The following NOS2 variants were observed in gnomAD, a reference collection of about 807,000 sequenced individuals.
NOS2 encodes nitric oxide synthase 2.
Under a neutral mutation model 136.0 loss-of-function variants are expected in NOS2, and 96 were observed. That is an observed-to-expected ratio of 0.71 (90% CI 0.60 to 0.84). NOS2 has a LOEUF of 0.84. Among genes scored for constraint, NOS2 ranks in the 40% least tolerant of loss-of-function variants. The pLI is 0.00. For missense variants in NOS2, 1,237 were observed against 1,496.9 expected, an observed-to-expected ratio of 0.83 and a Z score of 2.87; for synonymous variants, 539 against 587.5, an observed-to-expected ratio of 0.92 and a Z score of 1.20.
rs762737716 is a variant in NOS2, at chr17:27,789,649, G to T, written c.150C>A (p.Ser50Arg). 1 of 1,614,108 alleles carries T rather than the reference G, an allele frequency of 6.2e-7. No individual in the cohort carries two copies. The highest frequency in any genetic ancestry group is 8.5e-7 in the Non-Finnish European group (1 of 1,179,938). Residue 50 changes from serine to arginine, a missense_variant, in exon 3 of 27, where the codon AGC becomes AGA. Transcript: ENST00000313735. ...GCTGCGGGGACTCATTCTGCTGCTTGCTGAGGTTGTGATACTGAAGGTCAT... is the reference window on the plus strand; with the variant it reads ...GCTGCGGGGACTCATTCTGCTGCTTTCTGAGGTTGTGATACTGAAGGTCAT... The part of the protein sequence containing the change: ...TQDDLQYHNL[S>R]KQQNESPQPL...
chr17:27,773,884 G>T (rs537672172), intron 12 of NOS2, among the ~76,000 whole-genome samples: 2 of 152,268 alleles, frequency 1.3e-5, no homozygotes, highest in East Asian at 1.9e-4. Context: ...GGCTCAGAAA[G>T]GTGAAAGGAC....
chr17:27,774,353 G>C lies in NOS2; in HGVS notation c.1380C>G (p.Asp460Glu). 2 of 1,584,942 alleles carry C rather than the reference G, an allele frequency of 1.3e-6. No individual in the cohort carries two copies. Among genetic ancestry groups the C allele is most frequent in the Non-Finnish European group, 1.7e-6 (2 of 1,165,674 alleles). The change falls in exon 12 of 27, where the codon GAC (aspartate) becomes GAG (glutamate). Residue 460 changes from aspartate to glutamate, a missense_variant. Asp to Glu is a conservative substitution (Grantham distance 45). Coordinates refer to ENST00000313735, the MANE Select transcript of NOS2 (RefSeq NM_000625.4). Reference protein sequence around the residue: ...EYRSRGGCPADWIWLVPPMSG... With the variant: ...EYRSRGGCPAEWIWLVPPMSG... Reference sequence around the variant, plus strand: ...ACATGGGAGGGACCAGCCAAATCCAGTCTGCCGGGCAGCCCCCACGGGACC... The same window carrying C: ...ACATGGGAGGGACCAGCCAAATCCACTCTGCCGGGCAGCCCCCACGGGACC...
intron 2 of NOS2, among the ~76,000 whole-genome samples, chr17:27,790,814 G>A (rs1909162429): frequency 6.6e-6 from 1 of 152,178 alleles, no homozygotes; most frequent in Non-Finnish European, 1.5e-5. Context: ...GGGATTTCAG[G>A]TTCATTCCGG....
intron 4 of NOS2, among the ~76,000 whole-genome samples, chr17:27,788,211 C>CACACAT (rs1038092865): frequency 2.6e-5 from 4 of 151,800 alleles, no homozygotes; most frequent in African/African-American, 9.7e-5. Context: ...CACACACACA[C>CACACAT]ACACACACAC....
chr17:27,772,329 G>C lies in NOS2; in HGVS notation c.1683C>G (p.Phe561Leu). The change falls in exon 14 of 27, where the codon TTC (phenylalanine) becomes TTG (leucine). Residue 561 changes from phenylalanine to leucine, a missense_variant. Phe to Leu is a conservative substitution (Grantham distance 22). Around this residue, in one of 3 missense-constraint regions of NOS2, gnomAD observed 782 missense variants for 909.9 expected, o/e 0.86. Coordinates refer to ENST00000313735, the MANE Select transcript of NOS2 (RefSeq NM_000625.4). ...GTACCTTGGGGTTGAAGGCACAGCT[G>C]AATAAGGCCCCCAGGTCCCAGGCCA... is the stretch of plus-strand genomic sequence containing the variant. ...EALAWDLGAL[F>L]SCAFNPKVVC... 1 of 1,614,180 alleles carries C rather than the reference G, an allele frequency of 6.2e-7. No homozygotes were observed. Among genetic ancestry groups the C allele is most frequent in the East Asian group, 2.2e-5 (1 of 44,882 alleles).
At chr17:27,763,459 G>C (rs1001994313) in intron 21 of NOS2, among the ~76,000 whole-genome samples, 23 of 152,342 alleles carry the variant, frequency 1.5e-4, no homozygotes, top group African/African-American at 5.1e-4. Flanking sequence ...CAAAATAATG[G>C]CGGTGGAGGT....
chr17:27,760,017 A>G lies in NOS2; in HGVS notation c.3159+13T>C. On this transcript the variant is annotated intron_variant, in intron 25 of 26. Transcript: ENST00000313735. ...TGTGTGTAATGCTTCACCTGCTTTG[A>G]GGCTGCATTTACCTTGGGCTTGCCA... 1 of 1,509,190 alleles carries G rather than the reference A, an allele frequency of 6.6e-7. No homozygotes were observed. The highest frequency in any genetic ancestry group is 8.9e-7 in the Non-Finnish European group (1 of 1,127,660). The allele number at this position is 1,509,190 out of a possible 1,614,324, so 93.5% of individuals were successfully genotyped here.
chr17:27,770,003 G>A (rs1440282484), intron 15 of NOS2, among the ~76,000 whole-genome samples: 1 of 152,210 alleles, frequency 6.6e-6, no homozygotes, highest in Non-Finnish European at 1.5e-5. Flanking sequence ...ATGATTCCAG[G>A]AGGTATGTGA....
chr17:27,759,767 G>A (rs1908053925), intron 25 of NOS2, among the ~76,000 whole-genome samples: 1 of 152,116 alleles, frequency 6.6e-6, no homozygotes, highest in Admixed American at 6.5e-5. Flanking sequence ...TGTCCCAGGG[G>A]GCCTGCTGGG....
Position 27,772,470 on chromosome 17 carries a change from C to T in NOS2, c.1560-18G>A, listed in dbSNP as rs1393097054. On this transcript the variant is annotated intron_variant, in intron 13 of 26. Coordinates refer to ENST00000313735, the MANE Select transcript of NOS2 (RefSeq NM_000625.4). ...GCACAGCTCTGTGGGGACAGACAGACAGGCAGGCGCTGTGTGCTGAGTCAG... is the reference window on the plus strand; with the variant it reads ...GCACAGCTCTGTGGGGACAGACAGATAGGCAGGCGCTGTGTGCTGAGTCAG... 3 of 1,613,266 alleles carry T rather than the reference C, an allele frequency of 1.9e-6. No individual in the cohort carries two copies. The highest frequency in any genetic ancestry group is 2.2e-5 in the East Asian group (1 of 44,896).
intron 2 of NOS2, among the ~76,000 whole-genome samples, chr17:27,797,010 G>A (rs1483705611): frequency 6.6e-6 from 1 of 152,136 alleles, no homozygotes; most frequent in Non-Finnish European, 1.5e-5. Flanking sequence ...GGGAGAGCGA[G>A]TCCAAATCTC....
intron 24 of NOS2, 39 bp from the exon 25 acceptor site, chr17:27,760,217 C>G (rs1908073432): frequency 3.3e-6 from 5 of 1,504,006 alleles, no homozygotes; most frequent in Non-Finnish European, 4.4e-6. Flanking sequence ...TGTTGGCCAC[C>G]AGAGGGCGCC....
rs1399353009 is a variant in NOS2 at position 27,781,060 on chromosome 17, G to T, written c.840C>A (p.Asp280Glu). ...YQMPDGSIRG[D>E]PANVEFTQLC... is the part of the protein sequence containing the mutation. The stretch of plus-strand genomic sequence containing the variant: ...CCTGAGTGAATTCCACGTTGGCAGG[G>T]TCCCCTCTGATGCTGCCATCTGGCA... The change falls in exon 8 of 27, where the codon GAC (aspartate) becomes GAA (glutamate). Residue 280 changes from aspartate to glutamate, a missense_variant. This residue lies in a region of NOS2 where 440 missense variants were observed against 545.4 expected (regional missense o/e 0.81). Coordinates refer to ENST00000313735, the MANE Select transcript of NOS2 (RefSeq NM_000625.4). 1.2e-6 allele frequency: 2 copies of T among 1,613,704 alleles called. No homozygotes were observed. The highest frequency in any genetic ancestry group is 1.1e-5 in the South Asian group (1 of 91,082).
Position 27,766,505 on chromosome 17 carries a change from C to T in NOS2, c.2246+5G>A. On this transcript the variant is annotated splice_donor_5th_base_variant and intron_variant, in intron 19 of 26. Coordinates refer to ENST00000313735, the MANE Select transcript of NOS2 (RefSeq NM_000625.4). Reference sequence around the variant, plus strand: ...TCACCCACGAAGCCCTGCACTTTCCCTTACCTGGATGTCGGACTTTGTAGA... The same window carrying T: ...TCACCCACGAAGCCCTGCACTTTCCTTTACCTGGATGTCGGACTTTGTAGA... The T allele has an allele frequency of 6.2e-7, 1 of 1,612,870 alleles. No homozygotes were observed. Among genetic ancestry groups the T allele is most frequent in the Non-Finnish European group, 8.5e-7 (1 of 1,178,794 alleles).
At chr17:27,794,400 G>A (rs1398788560) in intron 2 of NOS2, among the ~76,000 whole-genome samples, 1 of 152,152 alleles carries the variant, frequency 6.6e-6, no homozygotes, top group Non-Finnish European at 1.5e-5. Flanking sequence ...CCTGGACTGC[G>A]CAGAGCCTCC....
intron 2 of NOS2, among the ~76,000 whole-genome samples, chr17:27,793,145 C>G (rs1032807272): frequency 7.6e-6 from 1 of 131,830 alleles, no homozygotes; most frequent in East Asian, 2.6e-4. Flanking sequence ...CGACGCCTCC[C>G]TGCCTGTTTA....
At chr17:27,759,165 G>A in intron 25 of NOS2, 90 bp from the exon 26 acceptor site, 1 of 864,888 alleles carries the variant, frequency 1.2e-6, no homozygotes, top group South Asian at 1.9e-5. Context: ...GGCGGGGAGA[G>A]GGGCACTAAG....
At chr17:27,760,254 C>T (rs1051405847) in intron 24 of NOS2, 76 bp from the exon 25 acceptor site, 35 of 1,408,824 alleles carry the variant, frequency 2.5e-5, no homozygotes, top group Non-Finnish European at 3.1e-5. Context: ...CTGGAATTCT[C>T]ACTTCACTCC....
At position 27,782,888 on chromosome 17, in the gene NOS2, C is replaced by T. The variant is rs1597554996; in HGVS notation, c.630+56G>A. On this transcript the variant is annotated intron_variant, in intron 6 of 26. Coordinates refer to ENST00000313735, the MANE Select transcript of NOS2 (RefSeq NM_000625.4). ...GCTCTGTGTGGCTGTTCCAAGCCAT[C>T]TGCTCAGGGCCTGGCCGCCTCCAGC... 6.4e-6 allele frequency: 10 copies of T among 1,573,354 alleles called. No homozygotes were observed. The African/African-American group carries it at 9.4e-5, about 15-fold the overall frequency.
Sources: gnomAD v4.1 joint callset for allele counts (sites outside exome capture counted in the v4.1 genomes callset) on GRCh38, gnomAD v4.1.1 for gene constraint, gnomAD v4.1.1 regional missense constraint, MANE v1.5 for transcripts, NCBI Gene and HGNC (gene_info 2026-07-23, HGNC 2026-07-21) for gene names.